Variants in ATRNL1 observed in about 807,000 individuals in gnomAD.
ATRNL1 encodes the protein attractin-like protein 1.
A neutral mutation model predicts 182.7 loss-of-function variants in ATRNL1; 95 were observed. The observed-to-expected ratio is 0.52, with a 90% CI of 0.44 to 0.62. ATRNL1 has a LOEUF of 0.62. Ranked by LOEUF, ATRNL1 falls within the 20% of genes least tolerant of loss-of-function variation. The pLI, the probability that ATRNL1 is intolerant of heterozygous loss-of-function variation, is 0.00. For synonymous variants in ATRNL1, 576 were observed against 568.3 expected, an observed-to-expected ratio of 1.01 and a Z score of -0.19; for missense variants, 1,471 against 1,679.5, an observed-to-expected ratio of 0.88 and a Z score of 2.17.
intron 5 of ATRNL1, among the ~76,000 whole-genome samples, chr10:115,139,296 G>T (rs1238452273): frequency 3.9e-5 from 6 of 152,078 alleles, no homozygotes; most frequent in Middle Eastern, 3.2e-3. Context: ...TACATTTTCG[G>T]GTATCTTTTC....
intron 18 of ATRNL1, among the ~76,000 whole-genome samples, chr10:115,325,723 A>C (rs1204071184): frequency 1.3e-5 from 2 of 152,066 alleles, no homozygotes; most frequent in African/African-American, 4.8e-5. Context: ...TTGCTAGGGA[A>C]CTTCTTTTAT....
At chr10:115,623,286 A>AATG (rs1857892775) in intron 26 of ATRNL1, among the ~76,000 whole-genome samples, 2 of 152,210 alleles carry the variant, frequency 1.3e-5, no homozygotes, top group Non-Finnish European at 2.9e-5. Context: ...TTTCAGACAG[A>AATG]CCGCATTCTG....
In ATRNL1 at chr10:115,818,024, C is replaced by T. The variant is rs933283774; in HGVS notation, c.3904-29853C>T. Among the ~76,000 whole-genome samples the T allele has an allele frequency of 2.0e-5, 3 of 151,796 alleles. No homozygotes were observed. In the East Asian group the frequency reaches 5.8e-4, roughly 29 times the overall value. ...AACAAAATTCCAAAACAAAACTTTT[C>T]CTTTATTACACAGTACTCGTTCTCC... On this transcript the variant is annotated intron_variant, in intron 27 of 28. Transcript: ENST00000355044.
At chr10:115,899,831 A>G (rs546312992) in intron 28 of ATRNL1, among the ~76,000 whole-genome samples, 38 of 152,286 alleles carry the variant, frequency 2.5e-4, no homozygotes, top group African/African-American at 8.4e-4. Context: ...TACATGACTG[A>G]TGGTTAAAAG....
chr10:115,531,531 C>T (rs1285588099), intron 25 of ATRNL1, among the ~76,000 whole-genome samples: 1 of 150,660 alleles, frequency 6.6e-6, no homozygotes, highest in Non-Finnish European at 1.5e-5. Context: ...GATATTAGTC[C>T]TTTGTCAGAT....
At chr10:115,393,130 C>T (rs1844113716) in intron 19 of ATRNL1, among the ~76,000 whole-genome samples, 1 of 152,118 alleles carries the variant, frequency 6.6e-6, no homozygotes, top group African/African-American at 2.4e-5. Context: ...ATTACTAACA[C>T]TGAAATGGGC....
At chr10:115,486,270 A>G (rs544500467) in intron 24 of ATRNL1, among the ~76,000 whole-genome samples, 1 of 152,100 alleles carries the variant, frequency 6.6e-6, no homozygotes, top group African/African-American at 2.4e-5. Flanking sequence ...CAGTAATGAG[A>G]TTGCTGGGTC....
chr10:115,551,462 T>C (rs1310878653), intron 26 of ATRNL1, among the ~76,000 whole-genome samples: 1 of 151,496 alleles, frequency 6.6e-6, no homozygotes, highest in Non-Finnish European at 1.5e-5. Context: ...TTATCTGTAT[T>C]ATTAATATTA....
intron 1 of ATRNL1, among the ~76,000 whole-genome samples, chr10:115,114,881 T>C (rs1844413528): frequency 6.6e-6 from 1 of 152,036 alleles, no homozygotes; most frequent in Non-Finnish European, 1.5e-5. Context: ...GCAGTCTGAG[T>C]ATATATCCAA....
At chr10:115,478,730 T>C (rs1276841190) in intron 24 of ATRNL1, among the ~76,000 whole-genome samples, 2 of 151,620 alleles carry the variant, frequency 1.3e-5, no homozygotes, top group African/African-American at 4.8e-5. Flanking sequence ...TGTTTATCTT[T>C]TGAATTAGGG....
At chr10:115,621,918 G>A (rs945978545) in intron 26 of ATRNL1, among the ~76,000 whole-genome samples, 9 of 152,178 alleles carry the variant, frequency 5.9e-5, no homozygotes, top group Admixed American at 3.3e-4. Context: ...ATCTAAGTCA[G>A]ATCTCAAATA....
chr10:115,722,204 T>C (rs1339604720), intron 26 of ATRNL1, among the ~76,000 whole-genome samples: 1 of 152,012 alleles, frequency 6.6e-6, no homozygotes, highest in Non-Finnish European at 1.5e-5. Flanking sequence ...ATTTTTAAGT[T>C]AACACATTAT....
At position 115,349,330 on chromosome 10, in the gene ATRNL1, A is replaced by T. The variant is rs572495519; in HGVS notation, c.3175+14911A>T. ...GTGGAATAATGTTCCATTTGTGTAT[A>T]TATACCACATTTTCTTTCATTGTTC... On this transcript the variant is annotated intron_variant, in intron 19 of 28. Coordinates refer to ENST00000355044, the MANE Select transcript of ATRNL1 (RefSeq NM_207303.4). 1.2e-4 allele frequency among the ~76,000 whole-genome samples: 18 copies of T among 152,334 alleles called. 2 individuals carry two copies. In the South Asian group the frequency reaches 3.7e-3, roughly 32 times the overall value.
At chr10:115,303,878 T>A (rs1283692641) in intron 17 of ATRNL1, among the ~76,000 whole-genome samples, 1 of 151,912 alleles carries the variant, frequency 6.6e-6, no homozygotes, top group Non-Finnish European at 1.5e-5. Flanking sequence ...CTCAGGAATA[T>A]GTTGTGGTTG....
chr10:115,748,796 G>A (rs1303659514), intron 27 of ATRNL1, among the ~76,000 whole-genome samples: 5 of 151,782 alleles, frequency 3.3e-5, no homozygotes, highest in South Asian at 2.1e-4. Flanking sequence ...TGAACCAATC[G>A]ATTATACAGC....
rs782074862 is a variant in ATRNL1 at position 115,165,556 on chromosome 10, A to C, written c.1005-2A>C. ...GAAGTTATTTTCTTTTCTTGCTTTT[A>C]GTTACAATTTAGAAAGCAGTATATG... On this transcript the variant is annotated splice_acceptor_variant, in intron 6 of 28. Transcript: ENST00000355044. LOFTEE classifies it high-confidence loss of function. The C allele has an allele frequency of 6.9e-7, 1 of 1,454,608 alleles. No homozygotes were observed. The allele number at this position is 1,454,608 out of a possible 1,614,324, so 90.1% of individuals were successfully genotyped here. A position where few individuals can be genotyped will look rare whatever the true frequency, so the allele number is the denominator to read the frequency against.
intron 26 of ATRNL1, among the ~76,000 whole-genome samples, chr10:115,658,836 C>G (rs1860498391): frequency 6.6e-6 from 1 of 152,106 alleles, no homozygotes; most frequent in African/African-American, 2.4e-5. Context: ...TATAAAGGAA[C>G]AAGTTTAATT....
At chr10:115,538,574 G>A (rs1394977906) in intron 25 of ATRNL1, among the ~76,000 whole-genome samples, 3 of 152,046 alleles carry the variant, frequency 2.0e-5, no homozygotes, top group Non-Finnish European at 4.4e-5. Flanking sequence ...AATATTGAAT[G>A]TTTTTTGTAT....
chr10:115,228,182 T>C (rs2144500950), intron 9 of ATRNL1, among the ~76,000 whole-genome samples: 1 of 152,310 alleles, frequency 6.6e-6, no homozygotes, highest in African/African-American at 2.4e-5. Flanking sequence ...TACGTTTTTA[T>C]TATCAGTGTT....
Sources: allele counts gnomAD v4.1 joint callset (sites outside exome capture counted in the v4.1 genomes callset), GRCh38; gene constraint gnomAD v4.1.1; transcripts MANE v1.5; gene names NCBI Gene and HGNC (gene_info 2026-07-23, HGNC 2026-07-21).